FARS2: variants seen among roughly 807,000 people sequenced by gnomAD.
FARS2 encodes the protein phenylalanyl-tRNA synthetase 2, mitochondrial.
In FARS2, 40 loss-of-function variants were observed where a neutral mutation model predicts 46.4. The observed-to-expected ratio is 0.86, with a 90% CI of 0.67 to 1.12. FARS2 has a LOEUF of 1.12. Among genes scored for constraint, FARS2 ranks in the 50% most tolerant of loss-of-function variants. The pLI, the probability that FARS2 is intolerant of heterozygous loss-of-function variation, is 0.00. For synonymous variants in FARS2, 234 were observed against 214.9 expected, an observed-to-expected ratio of 1.09 and a Z score of -0.78; for missense variants, 513 against 567.9, an observed-to-expected ratio of 0.90 and a Z score of 0.98.
chr6:5,641,095 A>G (rs1018318114), intron 6 of FARS2, among the ~76,000 whole-genome samples: 5 of 152,120 alleles, frequency 3.3e-5, no homozygotes, highest in African/African-American at 9.7e-5. Flanking sequence ...TGAGAATAGC[A>G]AACAGTTGTT....
intron 6 of FARS2, among the ~76,000 whole-genome samples, chr6:5,676,380 T>A (rs1335360302): frequency 1.3e-5 from 2 of 152,236 alleles, no homozygotes; most frequent in African/African-American, 4.8e-5. Context: ...TTAGACTGGA[T>A]ACATATTTGC....
chr6:5,541,393 A>C (rs986585613), intron 4 of FARS2, among the ~76,000 whole-genome samples: 1 of 152,182 alleles, frequency 6.6e-6, no homozygotes, highest in African/African-American at 2.4e-5. Context: ...GTTTTGAAGG[A>C]TATATACAGT....
At chr6:5,360,306 C>T (rs1178177017) in intron 1 of FARS2, among the ~76,000 whole-genome samples, 1 of 152,136 alleles carries the variant, frequency 6.6e-6, no homozygotes, top group East Asian at 1.9e-4. Context: ...TTCATTCATT[C>T]ATGGAAGAAG....
intron 2 of FARS2, among the ~76,000 whole-genome samples, chr6:5,380,625 G>A (rs757026617): frequency 2.6e-5 from 4 of 152,084 alleles, no homozygotes; most frequent in South Asian, 2.1e-4. Flanking sequence ...GGTGCCACTC[G>A]CATAGTGTTG....
intron 1 of FARS2, among the ~76,000 whole-genome samples, chr6:5,273,653 G>C (rs1470421889): frequency 2.6e-5 from 4 of 152,002 alleles, no homozygotes; most frequent in Non-Finnish European, 5.9e-5. Flanking sequence ...TGTTTCCTTT[G>C]CTTACAGAAG....
At chr6:5,696,394 A>C (rs1561807066) in intron 6 of FARS2, among the ~76,000 whole-genome samples, 1 of 152,172 alleles carries the variant, frequency 6.6e-6, no homozygotes, top group Non-Finnish European at 1.5e-5. Context: ...CACCCAGCTA[A>C]GATTTTTTTT....
chr6:5,661,198 GA>G (rs1048305795), intron 6 of FARS2, among the ~76,000 whole-genome samples: 2 of 152,328 alleles, frequency 1.3e-5, no homozygotes, highest in African/African-American at 4.8e-5. Flanking sequence ...GCTGATTATG[GA>G]ACCAGATGGA....
chr6:5,514,338 G>A lies in FARS2; in HGVS notation c.905-30842G>A, dbSNP rs144301337. Among the ~76,000 whole-genome samples, 624 of 152,230 alleles carry A rather than the reference G, an allele frequency of 4.1e-3. 3 individuals are homozygous for A. Among genetic ancestry groups the A allele is most frequent in the African/African-American group, 0.014 (587 of 41,538 alleles). ...CATTAAAAAGACAAAATTCTTGATC[G>A]TCTCAGAAATGTGGGTAGCCTTGTC... is the stretch of plus-strand genomic sequence containing the variant. On this transcript the variant is annotated intron_variant, in intron 4 of 6. Transcript: ENST00000274680.
intron 6 of FARS2, among the ~76,000 whole-genome samples, chr6:5,627,127 T>G (rs1776073631): frequency 6.6e-6 from 1 of 152,240 alleles, no homozygotes; most frequent in African/African-American, 2.4e-5. Context: ...GGGTGATAGG[T>G]AGCTTTCAGC....
intron 6 of FARS2, among the ~76,000 whole-genome samples, chr6:5,698,897 G>A (rs1582791639): frequency 1.3e-5 from 2 of 152,148 alleles, no homozygotes; most frequent in East Asian, 3.9e-4. Context: ...TTCTCTCTCG[G>A]TTGTTCCTGG....
At chr6:5,473,508 C>G (rs538493608) in intron 4 of FARS2, among the ~76,000 whole-genome samples, 30 of 125,770 alleles carry the variant, frequency 2.4e-4, no homozygotes, top group Non-Finnish European at 4.5e-4. Flanking sequence ...GCCTGGGCGA[C>G]AGAGCGAGAC....
chr6:5,488,966 G>A (rs1766939749), intron 4 of FARS2, among the ~76,000 whole-genome samples: 1 of 152,138 alleles, frequency 6.6e-6, no homozygotes, highest in African/African-American at 2.4e-5. Context: ...TGGGTCTATA[G>A]CAGTGAATAA....
rs367852797 is a variant in FARS2, at chr6:5,771,273, T to A, written c.1218-18T>A. 26 of 1,613,830 alleles carry A rather than the reference T, an allele frequency of 1.6e-5. No homozygotes were observed. The highest frequency in any genetic ancestry group is 2.1e-5 in the Non-Finnish European group (25 of 1,179,884). ...CTTGTTCATCCCGCACTCACCTGTG[T>A]TCTCTTCCTCTCTGTAGGACGCACA... On this transcript the variant is annotated intron_variant, in intron 6 of 6. Transcript: ENST00000274680.
chr6:5,543,941 T>C (rs1222708087), intron 4 of FARS2, among the ~76,000 whole-genome samples: 2 of 151,466 alleles, frequency 1.3e-5, no homozygotes, highest in African/African-American at 4.8e-5. Flanking sequence ...ATAGCACGAA[T>C]TGACTATATC....
chr6:5,443,666 A>G (rs1352623601), intron 4 of FARS2, among the ~76,000 whole-genome samples: 2 of 152,242 alleles, frequency 1.3e-5, no homozygotes, highest in African/African-American at 2.4e-5. Context: ...GCCAGTCTGG[A>G]CCAGCTGAGC....
Position 5,406,798 on chromosome 6 carries a change from A to G in FARS2, c.772+2097A>G, listed in dbSNP as rs568707247. On this transcript the variant is annotated intron_variant, in intron 3 of 6. Transcript: ENST00000274680. ...AACATAGGTATATGTTTAACTTAAA[A>G]AAAAAAACTGCTAAGCTATTATCTG... 3.3e-5 allele frequency among the ~76,000 whole-genome samples: 5 copies of G among 151,724 alleles called. 1 individual carries two copies. The East Asian group carries it at 9.7e-4, about 29-fold the overall frequency.
Position 5,301,848 on chromosome 6 carries a change from A to ACACAC in FARS2, c.-22+40188_-22+40189insCACAC, listed in dbSNP as rs1561943021. On this transcript the variant is annotated intron_variant, in intron 1 of 6. Transcript: ENST00000274680. ...ACACACACACACACACACACACACA[A>ACACAC]AGAAAATGGGGCTAAATTGGTGGAC... Among the ~76,000 whole-genome samples, 127 of 123,002 alleles carry ACACAC rather than the reference A, an allele frequency of 1.0e-3. 1 individual carries two copies. Among genetic ancestry groups the ACACAC allele is most frequent in the African/African-American group, 3.3e-3 (114 of 34,686 alleles). 80.7% of individuals were successfully genotyped at this position (123,002 alleles called of 152,430 possible). A position where few individuals can be genotyped will look rare whatever the true frequency, so the allele number is the denominator to read the frequency against.
chr6:5,633,547 CG>C (rs1776401013), intron 6 of FARS2, among the ~76,000 whole-genome samples: 1 of 151,996 alleles, frequency 6.6e-6, no homozygotes, highest in Non-Finnish European at 1.5e-5. Context: ...GGATTACAGG[CG>C]TGAGCCACCA....
intron 3 of FARS2, among the ~76,000 whole-genome samples, chr6:5,408,853 G>A (rs777889182): frequency 3.7e-4 from 57 of 152,250 alleles, no homozygotes; most frequent in Non-Finnish European, 7.1e-4. Context: ...CCAGACTGTG[G>A]CACCGTAGCC....
Sources: gnomAD v4.1 joint callset for allele counts (sites outside exome capture counted in the v4.1 genomes callset) on GRCh38, gnomAD v4.1.1 for gene constraint, MANE v1.5 for transcripts, NCBI Gene and HGNC (gene_info 2026-07-23, HGNC 2026-07-21) for gene names.